The following EYS variants were observed in gnomAD, a reference collection of about 807,000 sequenced individuals.
EYS encodes the protein EGF-like photoreceptor maintenance factor, also known as protein eyes shut homolog.
EYS carries 250 observed loss-of-function variants against 282.1 expected under a neutral mutation model. That is an observed-to-expected ratio of 0.89 (90% CI 0.80 to 0.98). The LOEUF (loss-of-function observed/expected upper bound fraction) is 0.98. Ranked by LOEUF, EYS falls within the 50% of genes least tolerant of loss-of-function variation. EYS has a pLI of 0.00. For synonymous variants in EYS, 1,355 were observed against 1,282.9 expected (o/e 1.06, Z -1.20); for missense variants, 4,016 against 3,709.0 (o/e 1.08, Z -2.15).
intron 36 of EYS, among the ~76,000 whole-genome samples, chr6:63,830,686 C>T (rs1483587674): frequency 1.3e-5 from 2 of 152,114 alleles, no homozygotes; most frequent in Non-Finnish European, 2.9e-5. Flanking sequence ...GCAAGGCAGG[C>T]CAACATTCAA....
chr6:64,677,339 G>T lies in EYS; in HGVS notation c.3444-51094C>A, dbSNP rs146474452. ...AGCTCTACTGGTTTTTTAAAAAAAC[G>T]CAATGCTACTTTATTAAATATCTGA... On this transcript the variant is annotated intron_variant, in intron 22 of 42. Coordinates refer to ENST00000503581, the MANE Select transcript of EYS (RefSeq NM_001142800.2). 4.0e-5 allele frequency among the ~76,000 whole-genome samples: 6 copies of T among 151,830 alleles called. No individual in the cohort carries two copies. In the East Asian group the frequency reaches 7.7e-4, roughly 20 times the overall value.
chr6:65,619,230 G>T (rs1235841400), intron 2 of EYS, among the ~76,000 whole-genome samples: 2 of 151,296 alleles, frequency 1.3e-5, no homozygotes, highest in African/African-American at 2.4e-5. Context: ...TTATTTCATT[G>T]AGCAGTGGTT....
chr6:64,069,876 TTAACC>T (rs777926631), intron 32 of EYS, among the ~76,000 whole-genome samples: 1 of 152,138 alleles, frequency 6.6e-6, no homozygotes, highest in Non-Finnish European at 1.5e-5. Flanking sequence ...TCATTACATG[TTAACC>T]TAAATAACAT....
At chr6:65,111,121 A>G (rs1396882477) in intron 12 of EYS, among the ~76,000 whole-genome samples, 1 of 152,134 alleles carries the variant, frequency 6.6e-6, no homozygotes, top group Admixed American at 6.6e-5. Context: ...TAGTAATTAC[A>G]TTAAAAAAAA....
intron 30 of EYS, among the ~76,000 whole-genome samples, chr6:64,287,350 A>G (rs1768537920): frequency 1.3e-5 from 2 of 152,178 alleles, no homozygotes; most frequent in Non-Finnish European, 2.9e-5. Flanking sequence ...AAATATTAAA[A>G]TGATGCTATT....
chr6:65,668,013 C>A (rs1344654080), intron 1 of EYS, among the ~76,000 whole-genome samples: 4 of 151,796 alleles, frequency 2.6e-5, no homozygotes, highest in African/African-American at 9.7e-5. Flanking sequence ...GCAAATGCAC[C>A]ATTGAAGTAG....
intron 2 of EYS, among the ~76,000 whole-genome samples, chr6:65,573,265 G>A (rs1347525737): frequency 6.6e-6 from 1 of 152,122 alleles, no homozygotes. Context: ...CATGTATATA[G>A]AAAGGATCAC....
chr6:64,284,633 G>A (rs977123606), intron 30 of EYS, among the ~76,000 whole-genome samples: 3 of 152,144 alleles, frequency 2.0e-5, no homozygotes, highest in East Asian at 1.9e-4. Context: ...AGAGGTTCTC[G>A]ATGAGAGCCC....
intron 14 of EYS, among the ~76,000 whole-genome samples, chr6:64,956,339 G>A (rs1309264910): frequency 6.6e-6 from 1 of 152,162 alleles, no homozygotes; most frequent in Admixed American, 6.5e-5. Context: ...ATGCACTGGA[G>A]AAAAGACAGT....
rs1768560292 is a variant in EYS at position 65,550,152 on chromosome 6, T to TGCTAGC, written c.-332-54160_-332-54159insGCTAGC. Among the ~76,000 whole-genome samples, 39 of 9,282 alleles carry TGCTAGC rather than the reference T, an allele frequency of 4.2e-3. 2 individuals are homozygous for TGCTAGC. The highest frequency in any genetic ancestry group is 0.018 in the African/African-American group (8 of 456). The allele number at this position is 9,282 out of a possible 152,430, so 6.1% of individuals were successfully genotyped here. A position where few individuals can be genotyped will look rare whatever the true frequency, so the allele number is the denominator to read the frequency against. ...TCTGACTCTACTATATCTTTTTTTT[T>TGCTAGC]TTTTTTTTTTTTTTTTTTTTTTTTT... On this transcript the variant is annotated intron_variant, in intron 2 of 42. Transcript: ENST00000503581.
rs6910010 is a variant in EYS at position 64,707,919 on chromosome 6, A to G, written c.3444-81674T>C. ...TTGAATCACCTATTTTTAAAAAAGT[A>G]TGAAAGGGACTATGAAGTGATACAG... On this transcript the variant is annotated intron_variant, in intron 22 of 42. Transcript: ENST00000503581. Among the ~76,000 whole-genome samples, 1,000 of 152,270 alleles carry G rather than the reference A, an allele frequency of 6.6e-3. 9 individuals are homozygous for G. Among genetic ancestry groups the G allele is most frequent in the African/African-American group, 0.023 (967 of 41,574 alleles).
At chr6:65,540,246 A>G (rs1768112419) in intron 2 of EYS, among the ~76,000 whole-genome samples, 1 of 152,146 alleles carries the variant, frequency 6.6e-6, no homozygotes, top group Non-Finnish European at 1.5e-5. Flanking sequence ...AAATGGAACA[A>G]ACTCTCTAAC....
intron 41 of EYS, among the ~76,000 whole-genome samples, chr6:63,731,576 A>T (rs67069403): frequency 0.078 from 11,880 of 152,214 alleles, 533 homozygotes; most frequent in East Asian, 0.16. Flanking sequence ...TACTCAACAC[A>T]TAGTTATGTA....
At chr6:63,864,530 C>A (rs1461900545) in intron 35 of EYS, among the ~76,000 whole-genome samples, 172 bp from the exon 36 acceptor site, 4 of 152,122 alleles carry the variant, frequency 2.6e-5, no homozygotes, top group Non-Finnish European at 5.9e-5. Context: ...ATATTTGTAG[C>A]TGTGTGCTTT....
chr6:64,659,360 GC>G (rs138793624), intron 22 of EYS, among the ~76,000 whole-genome samples: 30,230 of 151,982 alleles, frequency 0.2, 3,449 homozygotes, highest in East Asian at 0.35. Flanking sequence ...TCAAAAGCTA[GC>G]AGAAGGCAAG....
chr6:64,632,593 A>G lies in EYS; in HGVS notation c.3444-6348T>C, dbSNP rs73437394. 3.8e-3 allele frequency among the ~76,000 whole-genome samples: 584 copies of G among 152,382 alleles called. 5 individuals are homozygous for G. Among genetic ancestry groups the G allele is most frequent in the African/African-American group, 0.013 (538 of 41,594 alleles). On this transcript the variant is annotated intron_variant, in intron 22 of 42. Transcript: ENST00000503581. ...TGACCTCTTCTCTGTCCTGGATGAT[A>G]TACCAGAATATCTAACTGGATTCAT...
chr6:64,418,110 G>T (rs185458599), intron 28 of EYS, among the ~76,000 whole-genome samples: 1 of 152,220 alleles, frequency 6.6e-6, no homozygotes, highest in East Asian at 1.9e-4. Flanking sequence ...AAACCACAGG[G>T]TGGGGCTAAT....
At chr6:64,642,777 T>C (rs896697199) in intron 22 of EYS, among the ~76,000 whole-genome samples, 1 of 152,164 alleles carries the variant, frequency 6.6e-6, no homozygotes, top group Non-Finnish European at 1.5e-5. Context: ...CTTCTCTACA[T>C]TGAGAGGATA....
intron 7 of EYS, among the ~76,000 whole-genome samples, chr6:65,389,984 C>T (rs1765953730): frequency 6.6e-6 from 1 of 151,952 alleles, no homozygotes; most frequent in Admixed American, 6.6e-5. Context: ...ATTGGAGGTC[C>T]TGTTGCTTTT....
Sources: allele counts gnomAD v4.1 joint callset (sites outside exome capture counted in the v4.1 genomes callset), GRCh38; gene constraint gnomAD v4.1.1; transcripts MANE v1.5; gene names NCBI Gene and HGNC (gene_info 2026-07-23, HGNC 2026-07-21).